Variants in MPC2 observed in about 807,000 individuals in gnomAD.
The protein encoded by MPC2 is mitochondrial pyruvate carrier 2, also known as brain protein 44.
Under a neutral mutation model 19.2 loss-of-function variants are expected in MPC2, and 19 were observed. The observed-to-expected ratio is 0.99, with a 90% confidence interval of 0.69 to 1.45. MPC2 has a LOEUF of 1.45. Among genes scored for constraint, MPC2 ranks in the 40% most tolerant of loss-of-function variants. The pLI is 0.00. For missense variants in MPC2, 122 were observed against 153.0 expected, an observed-to-expected ratio of 0.80 and a Z score of 1.07; for synonymous variants, 61 against 54.3, an observed-to-expected ratio of 1.12 and a Z score of -0.54.
Position 167,925,442 on chromosome 1 carries a change from CATATATAT to C in MPC2, c.110-913_110-906del, listed in dbSNP as rs369657697. ...TATAATATACAGATATACATATACA[CATATATAT>C]ATATATATATATATATATATATATA... On this transcript the variant is annotated intron_variant, in intron 2 of 5. Coordinates refer to ENST00000271373, the MANE Select transcript of MPC2 (RefSeq NM_001143674.4). Among the ~76,000 whole-genome samples, 141 of 82,478 alleles carry C rather than the reference CATATATAT, an allele frequency of 1.7e-3. 1 individual carries two copies. Among genetic ancestry groups the C allele is most frequent in the East Asian group, 6.1e-3 (20 of 3,286 alleles). The allele number at this position is 82,478 out of a possible 152,430, so 54.1% of individuals were successfully genotyped here. A position where few individuals can be genotyped will look rare whatever the true frequency, so the allele number is the denominator to read the frequency against.
chr1:167,935,975 G>T (rs769339266), intron 1 of MPC2, 77 bp from the exon 2 acceptor site: 7 of 699,182 alleles, frequency 1.0e-5, no homozygotes, highest in Non-Finnish European at 1.7e-5. Context: ...TACCCTTCCC[G>T]CGGCTTTCCC....
At chr1:167,932,112 T>G (rs2102557464) in intron 2 of MPC2, among the ~76,000 whole-genome samples, 1 of 152,318 alleles carries the variant, frequency 6.6e-6, no homozygotes, top group South Asian at 2.1e-4. Flanking sequence ...CTATAATGCG[T>G]TAAAATGATA....
Position 167,918,244 on chromosome 1 carries a change from C to A in MPC2, c.*79G>T. 1 of 1,190,226 alleles carries A rather than the reference C, an allele frequency of 8.4e-7. No homozygotes were observed. The highest frequency in any genetic ancestry group is 1.2e-6 in the Non-Finnish European group (1 of 834,746). 73.7% of individuals were successfully genotyped at this position (1,190,226 alleles called of 1,614,324 possible). A position where few individuals can be genotyped will look rare whatever the true frequency, so the allele number is the denominator to read the frequency against. On this transcript the variant is annotated 3_prime_UTR_variant, in exon 6 of 6. Transcript: ENST00000271373. ...CCTTCTAAACACACAGTTAGCTTTGCTTTATCAATAACCAAATAATAAACT... is the reference window on the plus strand; with the variant it reads ...CCTTCTAAACACACAGTTAGCTTTGATTTATCAATAACCAAATAATAAACT...
chr1:167,925,472 T>TATATATAC (rs1557854114), intron 2 of MPC2, among the ~76,000 whole-genome samples: 1 of 102,042 alleles, frequency 9.8e-6, no homozygotes, highest in South Asian at 2.8e-4. Flanking sequence ...TATATATATA[T>TATATATAC]ATACATATAC....
chr1:167,925,793 C>T (rs1297939993), intron 2 of MPC2, among the ~76,000 whole-genome samples: 2 of 151,790 alleles, frequency 1.3e-5, no homozygotes, highest in African/African-American at 2.4e-5. Context: ...GTGATCTGCC[C>T]GCCTCAGCCT....
chr1:167,931,683 CATT>C (rs1293398755), intron 2 of MPC2, among the ~76,000 whole-genome samples: 4 of 151,986 alleles, frequency 2.6e-5, no homozygotes, highest in African/African-American at 9.7e-5. Context: ...TACGTACACT[CATT>C]ATTTGATCCA....
At chr1:167,929,720 T>A (rs996727657) in intron 2 of MPC2, among the ~76,000 whole-genome samples, 2 of 152,190 alleles carry the variant, frequency 1.3e-5, no homozygotes, top group Non-Finnish European at 2.9e-5. Flanking sequence ...ATTCCCTCCC[T>A]AAGTAAAGAC....
rs1197746767 is a variant in MPC2, at chr1:167,925,470, T to TATATATATATATAC, written c.110-934_110-933insGTATATATATATAT. On this transcript the variant is annotated intron_variant, in intron 2 of 5. Coordinates refer to ENST00000271373, the MANE Select transcript of MPC2 (RefSeq NM_001143674.4). ...ATATATATATATATATATATATATA[T>TATATATATATATAC]ATATACATATACATATACACACACA... is the stretch of plus-strand genomic sequence containing the variant. Among the ~76,000 whole-genome samples, 15 of 107,770 alleles carry TATATATATATATAC rather than the reference T, an allele frequency of 1.4e-4. 1 individual carries two copies. The East Asian group carries it at 3.3e-3, about 24-fold the overall frequency. 70.7% of individuals were successfully genotyped at this position (107,770 alleles called of 152,430 possible).
At chr1:167,920,480 T>G in intron 4 of MPC2, 67 bp downstream of exon 4, 1 of 1,506,692 alleles carries the variant, frequency 6.6e-7, no homozygotes, top group Admixed American at 1.9e-5. Context: ...CTAAATAAAC[T>G]GATATAAAAG....
At position 167,924,551 on chromosome 1, in the gene MPC2, GA is replaced by G; in HGVS notation, c.110-15del. On this transcript the variant is annotated splice_polypyrimidine_tract_variant and intron_variant, in intron 2 of 5. Transcript: ENST00000271373. ...CTGTTCTGGGACCTGAAAAAAAAAA[GA>G]AAAGAAAAATTCAGGAATAAACCAA... is the stretch of plus-strand genomic sequence containing the variant. 1 of 1,465,866 alleles carries G rather than the reference GA, an allele frequency of 6.8e-7. No individual in the cohort carries two copies. Among genetic ancestry groups the G allele is most frequent in the Non-Finnish European group, 9.1e-7 (1 of 1,104,954 alleles). 90.8% of individuals were successfully genotyped at this position (1,465,866 alleles called of 1,614,324 possible).
rs367545350 is a variant in MPC2, at chr1:167,933,665, T to C, written c.109+2068A>G. Among the ~76,000 whole-genome samples, 213 of 152,386 alleles carry C rather than the reference T, an allele frequency of 1.4e-3. 7 individuals carry two copies. The South Asian group carries it at 0.04, about 29-fold the overall frequency. On this transcript the variant is annotated intron_variant, in intron 2 of 5. Coordinates refer to ENST00000271373, the MANE Select transcript of MPC2 (RefSeq NM_001143674.4). ...ACAAATACTGTTAGGCAAAATAGTA[T>C]GCAAAATCCTTGAATATTCACTCTG... is the stretch of plus-strand genomic sequence containing the variant.
chr1:167,924,664 CT>C (rs1670689377), intron 2 of MPC2, 127 bp from the exon 3 acceptor site: 2 of 620,432 alleles, frequency 3.2e-6, no homozygotes, highest in Admixed American at 7.0e-5. Flanking sequence ...TTTTACTATG[CT>C]TTTTGCATAC....
chr1:167,936,860 CCTCCCCT>C, intron 1 of MPC2, 72 bp downstream of exon 1: 1 of 1,280,268 alleles, frequency 7.8e-7, no homozygotes, highest in Non-Finnish European at 1.1e-6. Flanking sequence ...CCCTCCCCCT[CCTCCCCT>C]CCCCCACGCG....
intron 2 of MPC2, among the ~76,000 whole-genome samples, chr1:167,925,442 C>CACATATATATATAT (rs1553200803): frequency 3.6e-5 from 3 of 82,478 alleles, no homozygotes; most frequent in South Asian, 4.1e-4. Flanking sequence ...TACATATACA[C>CACATATATATATAT]ATATATATAT....
intron 2 of MPC2, among the ~76,000 whole-genome samples, chr1:167,935,049 G>A (rs1671050728): frequency 6.6e-6 from 1 of 151,992 alleles, no homozygotes; most frequent in Non-Finnish European, 1.5e-5. Context: ...CATAGACCGC[G>A]TATTACACAA....
intron 1 of MPC2, chr1:167,936,398 T>C (rs1176281943): frequency 1.7e-5 from 3 of 177,430 alleles, no homozygotes; most frequent in African/African-American, 7.2e-5. Context: ...TTCTTTTCAC[T>C]GGAGACTCGT....
At chr1:167,924,334 C>G in intron 3 of MPC2, 163 bp downstream of exon 3, 1 of 512,778 alleles carries the variant, frequency 2.0e-6, no homozygotes, top group East Asian at 3.4e-5. Flanking sequence ...TAGATAGTTG[C>G]TTTATGTAGA....
chr1:167,923,541 GAGA>G (rs981304730), intron 3 of MPC2, among the ~76,000 whole-genome samples: 1 of 152,124 alleles, frequency 6.6e-6, no homozygotes, highest in East Asian at 1.9e-4. Context: ...CAGGGACTGG[GAGA>G]AGGAGAATGG....
chr1:167,924,110 C>A (rs1311107355), intron 3 of MPC2, among the ~76,000 whole-genome samples: 1 of 152,166 alleles, frequency 6.6e-6, no homozygotes, highest in African/African-American at 2.4e-5. Flanking sequence ...TTGAGAGTAA[C>A]TTTCCTCACC....
Sources: allele counts gnomAD v4.1 joint callset (sites outside exome capture counted in the v4.1 genomes callset), GRCh38; gene constraint gnomAD v4.1.1; transcripts MANE v1.5; gene names NCBI Gene and HGNC (gene_info 2026-07-23, HGNC 2026-07-21).